TERF2: variants seen among roughly 807,000 people sequenced by gnomAD.
TERF2 encodes telomeric repeat-binding factor 2.
Under a neutral mutation model 56.1 loss-of-function variants are expected in TERF2, and 16 were observed. The observed-to-expected ratio is 0.29, with a 90% CI of 0.19 to 0.43. The LOEUF (loss-of-function observed/expected upper bound fraction) is 0.43, where lower values mean the gene tolerates loss of function less well. Ranked by LOEUF, TERF2 falls within the 20% of genes least tolerant of loss-of-function variation. TERF2 has a pLI of 1.00. For missense variants in TERF2, 547 were observed against 712.9 expected, an observed-to-expected ratio of 0.77 and a Z score of 2.65; for synonymous variants, 296 against 282.1, an observed-to-expected ratio of 1.05 and a Z score of -0.50.
rs200781770 is a variant in TERF2, at chr16:69,366,898, C to T, written c.1249G>A (p.Ala417Thr). Residue 417 changes from alanine to threonine, a missense_variant, in exon 7 of 10, where the codon GCA becomes ACA. Coordinates refer to ENST00000254942, the MANE Select transcript of TERF2 (RefSeq NM_005652.5). The part of the protein sequence containing the change: ...EEDSQSTEPS[A>T]GLNSSQEAAS... Reference sequence around the variant, plus strand: ...GCCTCCTGGGAGGAGTTGAGGCCTGCGCTGGGCTCAGTACTCTGGCTGTCC... The same window carrying T: ...GCCTCCTGGGAGGAGTTGAGGCCTGTGCTGGGCTCAGTACTCTGGCTGTCC... 3,294 of 1,614,196 alleles carry T rather than the reference C, an allele frequency of 2.0e-3. 97 individuals carry two copies. The South Asian group carries it at 0.034, about 17-fold the overall frequency.
At chr16:69,375,000 A>T (rs373748692) in intron 3 of TERF2, among the ~76,000 whole-genome samples, 1 of 152,038 alleles carries the variant, frequency 6.6e-6, no homozygotes, top group Admixed American at 6.5e-5. Context: ...AGTGTGTAGG[A>T]CTTTTTTTTT....
chr16:69,361,466 C>G lies in TERF2; in HGVS notation c.1364G>C (p.Ser455Thr). 2 of 1,614,020 alleles carry G rather than the reference C, an allele frequency of 1.2e-6. No individual in the cohort carries two copies. Among genetic ancestry groups the G allele is most frequent in the Non-Finnish European group, 1.7e-6 (2 of 1,179,878 alleles). Residue 455 changes from serine (S) to threonine (T), a missense_variant, in exon 8 of 10, where the codon AGC becomes ACC. Ser to Thr is a moderately conservative substitution (Grantham distance 58, BLOSUM62 1). This residue lies in a region of TERF2 where 211 missense variants were observed against 236.8 expected (regional missense o/e 0.89). Coordinates refer to ENST00000254942, the MANE Select transcript of TERF2 (RefSeq NM_005652.5). ...CTCCTTTTCTTCAACCCCATTAGAG[C>G]TGTTCCACTTGCCTTTGGGTACTCT... is the stretch of plus-strand genomic sequence containing the variant. ...NPKVPKGKWN[S>T]SNGVEEKETW...
chr16:69,368,660 T>C, intron 5 of TERF2, 178 bp from the exon 6 acceptor site: 2 of 1,481,394 alleles, frequency 1.4e-6, no homozygotes, highest in South Asian at 1.2e-5. Flanking sequence ...CAAGCTTTTT[T>C]TATTCAAACT....
chr16:69,370,657 T>A (rs752050524), intron 4 of TERF2, 28 bp from the exon 5 acceptor site: 2 of 1,577,344 alleles, frequency 1.3e-6, no homozygotes, highest in East Asian at 2.3e-5. Flanking sequence ...ATTTGCAACA[T>A]GAGAAAGTAG....
At chr16:69,384,875 T>A in intron 2 of TERF2, 165 bp from the exon 3 acceptor site, 1 of 594,382 alleles carries the variant, frequency 1.7e-6, no homozygotes, top group Non-Finnish European at 2.5e-6. Flanking sequence ...ACGATAAGGG[T>A]CCAAATTCAA....
At position 69,381,098 on chromosome 16, in the gene TERF2, C is replaced by T. The variant is rs560285306; in HGVS notation, c.606+3482G>A. ...GGGATTACAGGCGTGAGCCACCGCG[C>T]CCAGCCTAAAAAATATTTTTTAAAT... On this transcript the variant is annotated intron_variant, in intron 3 of 9. Transcript: ENST00000254942. Among the ~76,000 whole-genome samples the T allele has an allele frequency of 1.3e-4, 20 of 152,222 alleles. No individual in the cohort carries two copies. The South Asian group carries it at 3.7e-3, about 28-fold the overall frequency.
chr16:69,385,564 C>CA (rs780308857), intron 1 of TERF2, 29 bp downstream of exon 1: 40 of 1,521,240 alleles, frequency 2.6e-5, no homozygotes, highest in Non-Finnish European at 3.6e-5. Flanking sequence ...CCCGGCGCTC[C>CA]AACCCCCCTC....
At chr16:69,371,500 C>CAA (rs778947462) in intron 4 of TERF2, among the ~76,000 whole-genome samples, 10 of 41,992 alleles carry the variant, frequency 2.4e-4, no homozygotes, top group East Asian at 6.8e-4. Flanking sequence ...GACTCCATCT[C>CAA]AAAAAAAAAA....
intron 6 of TERF2, among the ~76,000 whole-genome samples, chr16:69,367,415 C>T (rs998477366): frequency 6.6e-6 from 1 of 152,088 alleles, no homozygotes; most frequent in Non-Finnish European, 1.5e-5. Flanking sequence ...CTGTCCTAGA[C>T]AGTAGATAGG....
chr16:69,359,303 G>C (rs140725846), intron 8 of TERF2, among the ~76,000 whole-genome samples: 1 of 152,096 alleles, frequency 6.6e-6, no homozygotes, highest in Admixed American at 6.5e-5. Flanking sequence ...CAAGGCGGGC[G>C]GATCACTTGA....
intron 3 of TERF2, among the ~76,000 whole-genome samples, chr16:69,372,980 A>T (rs1231805782): frequency 6.6e-6 from 1 of 152,112 alleles, no homozygotes; most frequent in Non-Finnish European, 1.5e-5. Flanking sequence ...ACGTCCTGTA[A>T]TTTCAGGTCC....
intron 7 of TERF2, chr16:69,366,515 C>T (rs1211024666): frequency 7.7e-6 from 3 of 389,562 alleles, no homozygotes; most frequent in Non-Finnish European, 1.4e-5. Flanking sequence ...GTTTAGAAGT[C>T]AAGACACTCA....
At chr16:69,357,423 G>C (rs1178087846) in intron 9 of TERF2, 95 bp downstream of exon 9, 2 of 998,772 alleles carry the variant, frequency 2.0e-6, no homozygotes, top group Non-Finnish European at 3.0e-6. Flanking sequence ...GGTTTTTACT[G>C]GGTACATAAC....
chr16:69,382,389 G>C (rs1012611695), intron 3 of TERF2, among the ~76,000 whole-genome samples: 8 of 152,200 alleles, frequency 5.3e-5, no homozygotes, highest in African/African-American at 1.9e-4. Context: ...AAAGTAAATT[G>C]AAGAGATGGA....
chr16:69,380,069 C>T (rs1026437603), intron 3 of TERF2, among the ~76,000 whole-genome samples: 1 of 151,884 alleles, frequency 6.6e-6, no homozygotes, highest in African/African-American at 2.4e-5. Context: ...TCGGGCCACA[C>T]ACCCGGCTAA....
chr16:69,366,518 G>A (rs1359076654), intron 7 of TERF2: 3 of 394,608 alleles, frequency 7.6e-6, no homozygotes, highest in Non-Finnish European at 9.1e-6. Flanking sequence ...TAGAAGTCAA[G>A]ACACTCAGAT....
chr16:69,372,462 T>TA, intron 3 of TERF2, 107 bp from the exon 4 acceptor site: 2 of 772,542 alleles, frequency 2.6e-6, no homozygotes, highest in Admixed American at 6.0e-5. Context: ...TTTCTGTACT[T>TA]AAAAACTAAC....
Position 69,385,966 on chromosome 16 carries a change from G to T in TERF2, c.6C>A (p.Ala2=). The T allele has an allele frequency of 7.4e-7, 1 of 1,350,728 alleles. No homozygotes were observed. 83.7% of individuals were successfully genotyped at this position (1,350,728 alleles called of 1,614,324 possible). A position where few individuals can be genotyped will look rare whatever the true frequency, so the allele number is the denominator to read the frequency against. Residue 2 remains alanine (A), a synonymous_variant, in exon 1 of 10, where the codon GCC becomes GCA. Coordinates refer to ENST00000254942, the MANE Select transcript of TERF2 (RefSeq NM_005652.5). ...CGGGGCCCGCCGTCCCGGCTCCCGCGGCCATGATAGAAACAGCGTTCCGAG... is the reference window on the plus strand; with the variant it reads ...CGGGGCCCGCCGTCCCGGCTCCCGCTGCCATGATAGAAACAGCGTTCCGAG... M[A]AGAGTAGPAS...
At chr16:69,363,870 G>A (rs942784769) in intron 7 of TERF2, among the ~76,000 whole-genome samples, 3 of 152,088 alleles carry the variant, frequency 2.0e-5, no homozygotes, top group Non-Finnish European at 2.9e-5. Flanking sequence ...GGATGGGGGC[G>A]GGGATGGTGG....
Sources: allele counts gnomAD v4.1 joint callset (sites outside exome capture counted in the v4.1 genomes callset), GRCh38; gene constraint gnomAD v4.1.1; regional missense constraint gnomAD v4.1.1; transcripts MANE v1.5; gene names NCBI Gene and HGNC (gene_info 2026-07-23, HGNC 2026-07-21).